The following STAB1 variants were observed in gnomAD, a reference collection of about 807,000 sequenced individuals.
STAB1 encodes stabilin-1.
STAB1 carries 250 observed loss-of-function variants against 332.4 expected under a neutral mutation model. The ratio of observed to expected loss-of-function variants is 0.75; its 90% CI spans 0.68 to 0.84. The LOEUF (loss-of-function observed/expected upper bound fraction) is 0.84. Ranked by LOEUF, STAB1 falls within the 40% of genes least tolerant of loss-of-function variation. The pLI is 0.00. For synonymous variants in STAB1, 1,475 were observed against 1,390.4 expected, an observed-to-expected ratio of 1.06 and a Z score of -1.35; for missense variants, 3,249 against 3,489.7, an observed-to-expected ratio of 0.93 and a Z score of 1.74.
chr3:52,501,183 T>C lies in STAB1; in HGVS notation c.96T>C (p.Cys32=). ...FVRGQVLFKG[C]DVKTTFVTHV... ...GGCCCCAGGTGCTGTTCAAAGGCTG[T>C]GATGTGAAAACCACGTTTGTCACTC... Residue 32 remains cysteine (C), a synonymous_variant, in exon 2 of 69, where the codon TGT becomes TGC. Transcript: ENST00000321725. 1 of 1,613,490 alleles carries C rather than the reference T, an allele frequency of 6.2e-7. No individual in the cohort carries two copies. Among genetic ancestry groups the C allele is most frequent in the East Asian group, 2.2e-5 (1 of 44,870 alleles).
chr3:52,517,465 G>A, intron 43 of STAB1, 72 bp downstream of exon 43: 1 of 1,571,148 alleles, frequency 6.4e-7, no homozygotes, highest in Non-Finnish European at 8.6e-7. Flanking sequence ...TTCAGGGCAG[G>A]CCCGGGGAGG....
chr3:52,508,159 C>G, intron 20 of STAB1, 114 bp from the exon 21 acceptor site: 1 of 1,360,288 alleles, frequency 7.4e-7, no homozygotes, highest in South Asian at 1.3e-5. Context: ...AAAGGGGTCC[C>G]AGAGAAACCT....
At chr3:52,515,304 C>A in intron 36 of STAB1, 119 bp from the exon 37 acceptor site, 1 of 1,037,530 alleles carries the variant, frequency 9.6e-7, no homozygotes. Flanking sequence ...CCCTCTCTGA[C>A]CCTTCTGCTG....
Position 52,516,524 on chromosome 3 carries a change from CA to C in STAB1, c.4241-17del. 5 of 1,613,410 alleles carry C rather than the reference CA, an allele frequency of 3.1e-6. No individual in the cohort carries two copies. The highest frequency in any genetic ancestry group is 4.2e-6 in the Non-Finnish European group (5 of 1,179,986). Reference sequence around the variant, plus strand: ...GTTCCTGGGTCTGAATGACCAGAGTCATCCTCCTGCCCCCCAGAAATCACCA... The same window carrying C: ...GTTCCTGGGTCTGAATGACCAGAGTCTCCTCCTGCCCCCCAGAAATCACCA... On this transcript the variant is annotated splice_polypyrimidine_tract_variant and intron_variant, in intron 39 of 68. Transcript: ENST00000321725.
intron 1 of STAB1, among the ~76,000 whole-genome samples, chr3:52,496,331 C>G (rs1271853989): frequency 6.6e-6 from 1 of 152,208 alleles, no homozygotes; most frequent in Non-Finnish European, 1.5e-5. Context: ...GGTAGTCTCT[C>G]TCCTGTGAGG....
At chr3:52,523,617 C>G in intron 65 of STAB1, 35 bp from the exon 66 acceptor site, 1 of 1,612,784 alleles carries the variant, frequency 6.2e-7, no homozygotes, top group Non-Finnish European at 8.5e-7. Context: ...CCCTGGCCCT[C>G]GCTCACAGTG....
chr3:52,510,398 A>G lies in STAB1; in HGVS notation c.2678A>G (p.Lys893Arg). ...GGCACCCACCACTGCACATGCCACA[A>G]AGGCTGGAGTGGGGATGGCCGCGTC... is the stretch of plus-strand genomic sequence containing the variant. Reference protein sequence around the residue: ...SLGTHHCTCHKGWSGDGRVCV... With the variant: ...SLGTHHCTCHRGWSGDGRVCV... Residue 893 changes from lysine to arginine, a missense_variant, in exon 25 of 69, where the codon AAA becomes AGA. Physicochemically the swap from Lys to Arg is conservative, Grantham distance 26. Transcript: ENST00000321725. 6.2e-7 allele frequency: 1 copy of G among 1,614,014 alleles called. No homozygotes were observed. The highest frequency in any genetic ancestry group is 8.5e-7 in the Non-Finnish European group (1 of 1,180,018).
Position 52,502,665 on chromosome 3 carries a change from G to A in STAB1, c.521G>A (p.Gly174Glu). 2 of 1,613,814 alleles carry A rather than the reference G, an allele frequency of 1.2e-6. No individual in the cohort carries two copies. The highest frequency in any genetic ancestry group is 1.7e-6 in the Non-Finnish European group (2 of 1,179,914). ...CSCVHGVCNHGPRGDGSCLCF... is the reference protein window; with the variant it reads ...CSCVHGVCNHEPRGDGSCLCF... ...TGTGTGCACGGAGTGTGCAACCATG[G>A]GCCACGTGGGGATGGAAGCTGCCTG... is the stretch of plus-strand genomic sequence containing the variant. The change falls in exon 6 of 69, where the codon GGG becomes GAG. Residue 174 changes from glycine (G) to glutamate (E), a missense_variant. Transcript: ENST00000321725.
chr3:52,498,401 C>T (rs1025478783), intron 1 of STAB1, among the ~76,000 whole-genome samples: 5 of 152,252 alleles, frequency 3.3e-5, no homozygotes, highest in Admixed American at 1.3e-4. Flanking sequence ...GATGTGGGCT[C>T]AGACCGCCGA....
In STAB1 at chr3:52,518,579, T is replaced by C. The variant is rs770912738; in HGVS notation, c.4853T>C (p.Val1618Ala). The change falls in exon 47 of 69, where the codon GTG becomes GCG. Residue 1618 changes from valine (V) to alanine (A), a missense_variant. Transcript: ENST00000321725. ...LKGDGPFTIF[V>A]PHADLMSNLS... ...GGCGATGGGCCTTTCACCATCTTCG[T>C]GCCGCACGCAGATCTAATGAGCAAC... The C allele has an allele frequency of 1.9e-6, 3 of 1,601,824 alleles. No individual in the cohort carries two copies. Among genetic ancestry groups the C allele is most frequent in the Non-Finnish European group, 2.6e-6 (3 of 1,174,414 alleles).
rs766323150 is a variant in STAB1 at position 52,520,884 on chromosome 3, C to G, written c.5787C>G (p.Val1929=). 6.2e-7 allele frequency: 1 copy of G among 1,611,972 alleles called. No homozygotes were observed. Among genetic ancestry groups the G allele is most frequent in the South Asian group, 1.1e-5 (1 of 90,940 alleles). The stretch of plus-strand genomic sequence containing the variant: ...TGCACTCTTTGGGATTACGCAGCGT[C>G]TGGGTCCACCCCAGCCTTTGGGGTA... ...PPLHSLGLRS[V]WVHPSLWGRP... The change falls in exon 55 of 69, where the codon GTC becomes GTG. Residue 1929 remains valine, a synonymous_variant. Coordinates refer to ENST00000321725, the MANE Select transcript of STAB1 (RefSeq NM_015136.3).
rs752293276 is a variant in STAB1, at chr3:52,519,280, A to AT, written c.5052dup (p.Asp1685Ter). On this transcript the variant is annotated frameshift_variant, in exon 49 of 69. Coordinates refer to ENST00000321725, the MANE Select transcript of STAB1 (RefSeq NM_015136.3). LOFTEE classifies it high-confidence loss of function. Reference sequence around the variant, plus strand: ...CGCCCCCAGGGCAGCATATACCTCAATGACTTCGCGCGCGTGGTGAGCAGC... The same window carrying AT: ...CGCCCCCAGGGCAGCATATACCTCAATTGACTTCGCGCGCGTGGTGAGCAGC... 14 of 1,612,708 alleles carry AT rather than the reference A, an allele frequency of 8.7e-6. No individual in the cohort carries two copies. The highest frequency in any genetic ancestry group is 1.2e-5 in the Non-Finnish European group (14 of 1,179,944).
chr3:52,522,835 G>T lies in STAB1; in HGVS notation c.6805G>T (p.Val2269Phe). Residue 2269 changes from valine (V) to phenylalanine (F), a missense_variant, in exon 62 of 69, where the codon GTT (valine) becomes TTT (phenylalanine). Physicochemically the swap from Val to Phe is conservative, Grantham distance 50 (BLOSUM62 -1). Coordinates refer to ENST00000321725, the MANE Select transcript of STAB1 (RefSeq NM_015136.3). ...CAATGGCTCCACTGCCCACCCTGTGGTTTTCCCTGTGGCGGACTGTGGCAA... is the reference window on the plus strand; with the variant it reads ...CAATGGCTCCACTGCCCACCCTGTGTTTTTCCCTGTGGCGGACTGTGGCAA... ...LANGSTAHPV[V>F]FPVADCGNGR... 1 of 1,613,334 alleles carries T rather than the reference G, an allele frequency of 6.2e-7. No homozygotes were observed. Among genetic ancestry groups the T allele is most frequent in the African/African-American group, 1.3e-5 (1 of 75,054 alleles).
rs1266217950 is a variant in STAB1, at chr3:52,512,963, G to GGCCGCC, written c.3158+6_3158+11dup. The GGCCGCC allele has an allele frequency of 1.6e-5, 26 of 1,606,016 alleles. No homozygotes were observed. Among genetic ancestry groups the GGCCGCC allele is most frequent in the Admixed American group, 6.7e-5 (4 of 59,552 alleles). ...GACGCTGCCGAACCTGGTCAGGTGG[G>GGCCGCC]GCCGCCATTGCCAGGCTGTGGGAGG... On this transcript the variant is annotated splice_donor_region_variant and intron_variant, in intron 29 of 68. Transcript: ENST00000321725.
At position 52,511,688 on chromosome 3, in the gene STAB1, C is replaced by T; in HGVS notation, c.2826C>T (p.Gly942=). ...CTCKLGFAGD[G]YQCSPIDPCR... is the part of the protein sequence containing the mutation. Reference sequence around the variant, plus strand: ...GCAAGCTGGGCTTTGCCGGGGATGGCTACCAGTGCAGCCCCATCGACCCCT... The same window carrying T: ...GCAAGCTGGGCTTTGCCGGGGATGGTTACCAGTGCAGCCCCATCGACCCCT... The change falls in exon 26 of 69, where the codon GGC becomes GGT. Residue 942 remains glycine, a synonymous_variant. Coordinates refer to ENST00000321725, the MANE Select transcript of STAB1 (RefSeq NM_015136.3). The T allele has an allele frequency of 1.2e-6, 2 of 1,610,910 alleles. No individual in the cohort carries two copies. The highest frequency in any genetic ancestry group is 1.1e-5 in the South Asian group (1 of 90,694).
intron 57 of STAB1, 58 bp from the exon 58 acceptor site, chr3:52,521,786 G>T: frequency 6.3e-7 from 1 of 1,598,032 alleles, no homozygotes; most frequent in Non-Finnish European, 8.5e-7. Flanking sequence ...GGTGGAACGG[G>T]CAGAGGCCAG....
Position 52,514,767 on chromosome 3 carries a change from C to T in STAB1, c.3745C>T (p.Leu1249=), listed in dbSNP as rs969233563. 2 of 1,612,918 alleles carry T rather than the reference C, an allele frequency of 1.2e-6. No individual in the cohort carries two copies. The highest frequency in any genetic ancestry group is 2.7e-5 in the African/African-American group (2 of 74,946). The change falls in exon 35 of 69, where the codon CTG becomes TTG. Residue 1249 remains leucine (L), a synonymous_variant. Transcript: ENST00000321725. ...GGCCCCTGGCCGCTCGCTGATTGGT[C>T]TGTCGGGGGTCCTGACGGTGGGCTC... ...LEAPGRSLIG[L]SGVLTVGSSR...
At chr3:52,513,060 C>T (rs1709412784) in intron 29 of STAB1, 70 bp from the exon 30 acceptor site, 1 of 1,553,350 alleles carries the variant, frequency 6.4e-7, no homozygotes, top group African/African-American at 1.4e-5. Flanking sequence ...TTGGGGTGGG[C>T]CCAGCCCCAA....
chr3:52,502,536 A>C, intron 5 of STAB1, 96 bp from the exon 6 acceptor site: 7 of 1,135,236 alleles, frequency 6.2e-6, no homozygotes, highest in Non-Finnish European at 9.1e-6. Flanking sequence ...TACCTGCCCG[A>C]GCTGAGTTCT....
Sources: allele counts gnomAD v4.1 joint callset (sites outside exome capture counted in the v4.1 genomes callset), GRCh38; gene constraint gnomAD v4.1.1; transcripts MANE v1.5; gene names NCBI Gene and HGNC (gene_info 2026-07-23, HGNC 2026-07-21).